Variants in IL1RAPL1 observed in about 807,000 individuals in gnomAD.
IL1RAPL1 encodes the protein interleukin-1 receptor accessory protein-like 1.
IL1RAPL1 carries 3 observed loss-of-function variants against 48.4 expected under a neutral mutation model. The ratio of observed to expected loss-of-function variants is 0.06; its 90% confidence interval spans 0.03 to 0.16. IL1RAPL1 has a LOEUF of 0.16. Ranked by LOEUF, IL1RAPL1 falls within the 10% of genes least tolerant of loss-of-function variation. The pLI is 1.00. For missense variants in IL1RAPL1, 349 were observed against 530.6 expected (o/e 0.66, Z 3.36); for synonymous variants, 185 against 187.7 (o/e 0.99, Z 0.12).
chrX:29,719,485 T>G (rs1238924449), intron 6 of IL1RAPL1, among the ~76,000 whole-genome samples: 2 of 111,116 alleles, frequency 1.8e-5, no homozygotes, highest in Non-Finnish European at 3.8e-5. Flanking sequence ...AATATTCTGA[T>G]GAAAGAGTTC....
chrX:29,453,115 G>A (rs1934699030), intron 5 of IL1RAPL1, among the ~76,000 whole-genome samples: 1 of 108,338 alleles, frequency 9.2e-6, no homozygotes, highest in Admixed American at 9.9e-5. Flanking sequence ...AGTAGAGACA[G>A]GGTTTCACCA....
intron 5 of IL1RAPL1, among the ~76,000 whole-genome samples, chrX:29,527,183 G>A (rs1427896055): frequency 9.1e-6 from 1 of 110,411 alleles, no homozygotes; most frequent in East Asian, 2.8e-4. Context: ...TCGTATAAAA[G>A]AGGAAATTAG....
Sources: allele counts gnomAD v4.1 joint callset (sites outside exome capture counted in the v4.1 genomes callset), GRCh38; gene constraint gnomAD v4.1.1; transcripts MANE v1.5; gene names NCBI Gene and HGNC (gene_info 2026-07-23, HGNC 2026-07-21).